Variants in STAU2 observed in about 807,000 individuals in gnomAD.
STAU2 encodes the protein staufen double-stranded RNA binding protein 2, also known as double-stranded RNA-binding protein Staufen homolog 2.
STAU2 carries 20 observed loss-of-function variants against 65.9 expected under a neutral mutation model. The observed-to-expected ratio is 0.30, with a 90% CI of 0.21 to 0.44. The LOEUF is 0.44. STAU2 is among the 20% of genes least tolerant of loss of function. STAU2 has a pLI of 1.00. For missense variants in STAU2, 558 were observed against 683.9 expected (o/e 0.82, Z 2.05); for synonymous variants, 232 against 233.9 (o/e 0.99, Z 0.07).
rs532770072 is a variant in STAU2, at chr8:73,552,262, C to T, written c.1280G>A (p.Arg427His). 37 of 1,613,484 alleles carry T rather than the reference C, an allele frequency of 2.3e-5. No individual in the cohort carries two copies. Among genetic ancestry groups the T allele is most frequent in the East Asian group, 4.5e-5 (2 of 44,866 alleles). ...PDVYQEMEASRHKVISGTTLG... is the reference protein window; with the variant it reads ...PDVYQEMEASHHKVISGTTLG... The stretch of plus-strand genomic sequence containing the variant: ...AGTAGTGCCAGAGATTACTTTGTGG[C>T]GGCTGGCTTCCATCTCTTGATAAAC... The change falls in exon 13 of 15, where the codon CGC (arginine) becomes CAC (histidine). Residue 427 changes from arginine (R) to histidine (H), a missense_variant. Transcript: ENST00000524300.
At chr8:73,699,035 G>A (rs763698406) in intron 4 of STAU2, among the ~76,000 whole-genome samples, 23 of 151,562 alleles carry the variant, frequency 1.5e-4, no homozygotes, top group Non-Finnish European at 3.1e-4. Flanking sequence ...AATAACAAGA[G>A]GAATTTTGGA....
At chr8:73,424,651 A>G (rs1255505435) in intron 13 of STAU2, among the ~76,000 whole-genome samples, 5 of 152,060 alleles carry the variant, frequency 3.3e-5, no homozygotes. Flanking sequence ...GCAACTATGA[A>G]TAAAACTGCT....
chr8:73,626,446 T>C (rs1813646362), intron 6 of STAU2, among the ~76,000 whole-genome samples: 1 of 152,188 alleles, frequency 6.6e-6, no homozygotes, highest in South Asian at 2.1e-4. Flanking sequence ...TGGAAGCCAC[T>C]GGAAAGTTTT....
At chr8:73,470,178 G>A (rs1431486676) in intron 13 of STAU2, among the ~76,000 whole-genome samples, 2 of 152,182 alleles carry the variant, frequency 1.3e-5, no homozygotes, top group Non-Finnish European at 2.9e-5. Context: ...GGTTGGATTA[G>A]GTTGTTGGCC....
At chr8:73,746,847 G>A (rs1807326575), upstream of STAU2, 8 of 1,218,696 alleles carry the variant, frequency 6.6e-6, no homozygotes, top group African/African-American at 1.6e-5. Context: ...AACTGACCCC[G>A]CTCGGCCGCC....
At position 73,617,665 on chromosome 8, in the gene STAU2, ACATTAAACAT is replaced by A. The variant is rs558389153; in HGVS notation, c.411-224_411-215del. The stretch of plus-strand genomic sequence containing the variant: ...CCATGAAAAACATATATAGAATACA[ACATTAAACAT>A]AAAACAATACAGTAAAAATTATTTA... On this transcript the variant is annotated intron_variant, in intron 6 of 14. Transcript: ENST00000524300. Among the ~76,000 whole-genome samples, 5 of 152,272 alleles carry A rather than the reference ACATTAAACAT, an allele frequency of 3.3e-5. No homozygotes were observed. In the South Asian group the frequency reaches 1.0e-3, roughly 32 times the overall value.
intron 13 of STAU2, among the ~76,000 whole-genome samples, chr8:73,429,413 CTTTTTTTTTTTTTTTTTT>C (rs71561522): frequency 5.0e-4 from 33 of 65,368 alleles, no homozygotes; most frequent in African/African-American, 1.2e-3. Context: ...TTGCTCAGGT[CTTTTTTTTTTTTTTTTTT>C]TTTTTTTTTT....
intron 3 of STAU2, among the ~76,000 whole-genome samples, chr8:73,729,287 T>C (rs1211964801): frequency 6.6e-6 from 1 of 152,218 alleles, no homozygotes; most frequent in African/African-American, 2.4e-5. Context: ...TTCCTTTAAA[T>C]ATGCTGCTAG....
intron 13 of STAU2, among the ~76,000 whole-genome samples, chr8:73,536,732 T>A (rs1274098856): frequency 6.6e-6 from 1 of 152,078 alleles, no homozygotes; most frequent in Non-Finnish European, 1.5e-5. Context: ...GCTGTAACAA[T>A]ATCCCTCCTC....
At chr8:73,602,404 C>G (rs954517375) in intron 10 of STAU2, among the ~76,000 whole-genome samples, 2 of 152,002 alleles carry the variant, frequency 1.3e-5, no homozygotes, top group Non-Finnish European at 1.5e-5. Flanking sequence ...TGTGACTAAC[C>G]AATTATTTAA....
chr8:73,489,594 T>C (rs1406552033), intron 13 of STAU2, among the ~76,000 whole-genome samples: 2 of 152,088 alleles, frequency 1.3e-5, no homozygotes, highest in African/African-American at 2.4e-5. Flanking sequence ...TTGACCACCA[T>C]TGGCAATGCA....
chr8:73,478,130 C>A (rs1407714884), intron 13 of STAU2, among the ~76,000 whole-genome samples: 2 of 150,602 alleles, frequency 1.3e-5, no homozygotes, highest in African/African-American at 2.4e-5. Context: ...TTATAAAGAT[C>A]TTTTAAAGCA....
At chr8:73,438,765 C>T (rs570723251) in intron 13 of STAU2, among the ~76,000 whole-genome samples, 1 of 152,176 alleles carries the variant, frequency 6.6e-6, no homozygotes, top group East Asian at 1.9e-4. Flanking sequence ...CTTTCAGGCT[C>T]CCTGATACTC....
chr8:73,601,097 A>C (rs1330818259), intron 10 of STAU2, among the ~76,000 whole-genome samples: 1 of 152,216 alleles, frequency 6.6e-6, no homozygotes, highest in Non-Finnish European at 1.5e-5. Context: ...TCTGTAAAGA[A>C]GCTCAATTAT....
At chr8:73,606,036 T>A (rs1259299340) in intron 9 of STAU2, among the ~76,000 whole-genome samples, 3 of 120,304 alleles carry the variant, frequency 2.5e-5, no homozygotes, top group Non-Finnish European at 5.6e-5. Flanking sequence ...GAAAAAAAAA[T>A]CTTCAAGCCA....
chr8:73,567,394 C>T (rs1184442315), intron 12 of STAU2, among the ~76,000 whole-genome samples: 1 of 152,066 alleles, frequency 6.6e-6, no homozygotes, highest in African/African-American at 2.4e-5. Flanking sequence ...GTAATCCCAG[C>T]TACTCAGGAG....
chr8:73,592,117 G>A (rs9643670), intron 11 of STAU2, among the ~76,000 whole-genome samples: 3 of 150,778 alleles, frequency 2.0e-5, no homozygotes, highest in African/African-American at 7.3e-5. Flanking sequence ...ATAAAGAGCA[G>A]AAATCAAAAA....
chr8:73,633,675 A>C (rs932993403), intron 6 of STAU2, among the ~76,000 whole-genome samples: 40 of 152,240 alleles, frequency 2.6e-4, no homozygotes, highest in African/African-American at 9.4e-4. Flanking sequence ...ACTGAGGACA[A>C]GTCAGTAAGA....
chr8:73,446,723 T>C (rs894496515), intron 13 of STAU2, among the ~76,000 whole-genome samples: 2 of 152,174 alleles, frequency 1.3e-5, no homozygotes, highest in African/African-American at 4.8e-5. Context: ...GATCCTCCTG[T>C]CTTGGCCTCC....
Sources: allele counts gnomAD v4.1 joint callset (sites outside exome capture counted in the v4.1 genomes callset), GRCh38; gene constraint gnomAD v4.1.1; transcripts MANE v1.5; gene names NCBI Gene and HGNC (gene_info 2026-07-23, HGNC 2026-07-21).